The following PLXDC1 variants were observed in gnomAD, a reference collection of about 807,000 sequenced individuals.
PLXDC1 encodes the protein plexin domain containing 1.
A neutral mutation model predicts 61.3 loss-of-function variants in PLXDC1; 39 were observed. That is an observed-to-expected ratio of 0.64 (90% CI 0.49 to 0.83). PLXDC1 has a LOEUF of 0.83. Ranked by LOEUF, PLXDC1 falls within the 40% of genes least tolerant of loss-of-function variation. The pLI, the probability that PLXDC1 is intolerant of heterozygous loss-of-function variation, is 0.00. For synonymous variants in PLXDC1, 212 were observed against 254.5 expected, an observed-to-expected ratio of 0.83 and a Z score of 1.59; for missense variants, 596 against 666.5, an observed-to-expected ratio of 0.89 and a Z score of 1.17.
intron 2 of PLXDC1, among the ~76,000 whole-genome samples, chr17:39,130,025 T>C (rs937425839): frequency 1.3e-5 from 2 of 152,256 alleles, no homozygotes; most frequent in African/African-American, 4.8e-5. Context: ...ATTATATGAT[T>C]CCATTTATAT....
chr17:39,110,163 G>C (rs1221309186), intron 2 of PLXDC1, among the ~76,000 whole-genome samples: 1 of 152,066 alleles, frequency 6.6e-6, no homozygotes, highest in Admixed American at 6.6e-5. Context: ...GAAGGCACCA[G>C]TCTAAAGGAG....
intron 2 of PLXDC1, among the ~76,000 whole-genome samples, chr17:39,128,097 G>GTATGTATATATATATATA (rs1911380355): frequency 3.0e-5 from 2 of 67,478 alleles, no homozygotes; most frequent in South Asian, 9.6e-4. Flanking sequence ...CTCTCTATGT[G>GTATGTATATATATATATA]TATATATATA....
At chr17:39,096,417 C>T (rs553754103) in intron 7 of PLXDC1, among the ~76,000 whole-genome samples, 1 of 152,208 alleles carries the variant, frequency 6.6e-6, no homozygotes, top group Non-Finnish European at 1.5e-5. Flanking sequence ...TTTAAAGGAT[C>T]CTTTATCAGA....
At position 39,151,388 on chromosome 17, in the gene PLXDC1, C is replaced by G; in HGVS notation, c.50G>C (p.Arg17Pro). 2 of 1,293,970 alleles carry G rather than the reference C, an allele frequency of 1.5e-6. No homozygotes were observed. The highest frequency in any genetic ancestry group is 9.8e-7 in the Non-Finnish European group (1 of 1,019,566). 80.2% of individuals were successfully genotyped at this position (1,293,970 alleles called of 1,614,324 possible). The change falls in exon 1 of 14, where the codon CGG (arginine) becomes CCG (proline). Residue 17 changes from arginine to proline, a missense_variant. By Grantham distance (103) the Arg-to-Pro change is moderately radical. Transcript: ENST00000315392. The surrounding 1 kb of genome is among the most constrained non-coding windows in gnomAD (Gnocchi z 5.2). ...TGCTCCGGGCTGGGGGCTCAGCGCC[C>G]GGGCAGCCTCCCTGAGCACCAGCAC... ...LLVLVLREAARALSPQPGAGH... is the reference protein window; with the variant it reads ...LLVLVLREAAPALSPQPGAGH...
chr17:39,083,270 A>G (rs1264453064), intron 9 of PLXDC1, among the ~76,000 whole-genome samples, 189 bp downstream of exon 9: 1 of 152,182 alleles, frequency 6.6e-6, no homozygotes, highest in Non-Finnish European at 1.5e-5. Flanking sequence ...GAGCCTGAGT[A>G]GCTGGAATCC....
rs144132344 is a variant in PLXDC1 at position 39,110,663 on chromosome 17, G to A, written c.256-1272C>T. Among the ~76,000 whole-genome samples, 636 of 152,302 alleles carry A rather than the reference G, an allele frequency of 4.2e-3. 5 individuals are homozygous for A. Among genetic ancestry groups the A allele is most frequent in the African/African-American group, 0.015 (607 of 41,576 alleles). ...ATTAATCAGGCTGCCCAGCGGTGGT[G>A]GCGGCAGACACAGCAGAGTAAACGA... is the stretch of plus-strand genomic sequence containing the variant. On this transcript the variant is annotated intron_variant, in intron 2 of 13. Coordinates refer to ENST00000315392, the MANE Select transcript of PLXDC1 (RefSeq NM_020405.5).
intron 9 of PLXDC1, 61 bp downstream of exon 9, chr17:39,083,398 G>T: frequency 7.4e-7 from 1 of 1,358,358 alleles, no homozygotes; most frequent in Non-Finnish European, 1.0e-6. Context: ...ACGGGGCCAT[G>T]CCACCCTCTT....
intron 11 of PLXDC1, among the ~76,000 whole-genome samples, chr17:39,075,535 A>C (rs1443188591): frequency 6.6e-6 from 1 of 152,202 alleles, no homozygotes; most frequent in African/African-American, 2.4e-5. Context: ...TGACCTTGGG[A>C]AAGTCATCTG....
At chr17:39,088,511 G>C (rs1909825997) in intron 7 of PLXDC1, among the ~76,000 whole-genome samples, 1 of 152,114 alleles carries the variant, frequency 6.6e-6, no homozygotes, top group African/African-American at 2.4e-5. Flanking sequence ...CAACACCCTT[G>C]GGAGGAAAAA....
At chr17:39,098,205 CAAAAAAAAAAA>C (rs56027303) in intron 7 of PLXDC1, among the ~76,000 whole-genome samples, 3 of 101,478 alleles carry the variant, frequency 3.0e-5, no homozygotes, top group Middle Eastern at 5.3e-3. Flanking sequence ...AACTCCATCT[CAAAAAAAAAAA>C]AAAAAAAAAA....
intron 7 of PLXDC1, among the ~76,000 whole-genome samples, chr17:39,090,660 A>T (rs552398002): frequency 6.6e-6 from 1 of 152,074 alleles, no homozygotes; most frequent in South Asian, 2.1e-4. Flanking sequence ...TAAGGGAGAC[A>T]CTCAACGCAC....
chr17:39,145,355 G>A (rs1382778790), intron 1 of PLXDC1, among the ~76,000 whole-genome samples: 1 of 152,164 alleles, frequency 6.6e-6, no homozygotes, highest in Non-Finnish European at 1.5e-5. Context: ...GACCTCAGGA[G>A]GCCAGGTTGT....
Position 39,079,158 on chromosome 17 carries a change from G to A in PLXDC1, c.996C>T (p.Ser332=), listed in dbSNP as rs1481551503. ...CSWCHVLQRC[S]SGFDRYRQEW... is the part of the protein sequence containing the mutation. ...CCTGGCGATAGCGGTCAAAGCCACT[G>A]GAGCATCTGCAGGAGGACCAAAAGG... The change falls in exon 10 of 14, where the codon TCC becomes TCT. Residue 332 remains serine, a synonymous_variant. Coordinates refer to ENST00000315392, the MANE Select transcript of PLXDC1 (RefSeq NM_020405.5). 1.2e-6 allele frequency: 2 copies of A among 1,613,622 alleles called. No individual in the cohort carries two copies. The highest frequency in any genetic ancestry group is 2.2e-5 in the East Asian group (1 of 44,870).
In PLXDC1 at chr17:39,078,020, TG is replaced by T; in HGVS notation, c.1078del (p.Gln360ArgfsTer41). ...GGAGGCTGAGTCGTGGTCCTCATCC[TG>T]GAAGTCCTCGCACATCCTGCCCTCT... ...EAEGRMCEDF[Q>X]DEDHDSASPD... On this transcript the variant is annotated frameshift_variant, in exon 11 of 14. Transcript: ENST00000315392. LOFTEE classifies it high-confidence loss of function. The T allele has an allele frequency of 1.2e-6, 2 of 1,611,942 alleles. No individual in the cohort carries two copies. Among genetic ancestry groups the T allele is most frequent in the South Asian group, 2.2e-5 (2 of 90,770 alleles).
intron 11 of PLXDC1, chr17:39,073,426 C>T (rs918397584): frequency 6.6e-6 from 1 of 152,218 alleles, no homozygotes; most frequent in Admixed American, 6.5e-5. Flanking sequence ...TTAAATATCA[C>T]TGGGCAAATT....
intron 9 of PLXDC1, among the ~76,000 whole-genome samples, chr17:39,081,991 C>G (rs146140259): frequency 5.0e-4 from 76 of 152,282 alleles, no homozygotes; most frequent in Non-Finnish European, 9.1e-4. Flanking sequence ...TGTGTTTGTT[C>G]CCACATCTTC....
At chr17:39,142,307 C>G (rs1346803184) in intron 1 of PLXDC1, among the ~76,000 whole-genome samples, 3 of 152,198 alleles carry the variant, frequency 2.0e-5, no homozygotes, top group Non-Finnish European at 4.4e-5. Flanking sequence ...GCAATCCATT[C>G]GTGACAGCCA....
chr17:39,079,654 CA>C (rs1909478829), intron 9 of PLXDC1: 1 of 429,284 alleles, frequency 2.3e-6, no homozygotes, highest in Non-Finnish European at 4.7e-6. Context: ...AACTGGCTGA[CA>C]AGGGTCTCCG....
intron 9 of PLXDC1, chr17:39,079,826 A>T (rs1289280942): frequency 9.6e-6 from 3 of 311,658 alleles, no homozygotes; most frequent in Non-Finnish European, 1.9e-5. Flanking sequence ...AGCCCTACTC[A>T]AGCCCAGGGA....
Sources: allele counts gnomAD v4.1 joint callset (sites outside exome capture counted in the v4.1 genomes callset), GRCh38; gene constraint gnomAD v4.1.1; non-coding constraint Gnocchi (gnomAD v3.1); transcripts MANE v1.5; gene names NCBI Gene and HGNC (gene_info 2026-07-23, HGNC 2026-07-21).